Variants in DOCK3 observed in about 807,000 individuals in gnomAD.
DOCK3 encodes dedicator of cytokinesis protein 3.
Under a neutral mutation model 265.6 loss-of-function variants are expected in DOCK3, and 60 were observed. The ratio of observed to expected loss-of-function variants is 0.23; its 90% confidence interval spans 0.18 to 0.28. The LOEUF (loss-of-function observed/expected upper bound fraction) is 0.28. Among genes scored for constraint, DOCK3 ranks in the 10% least tolerant of loss-of-function variants. The probability of loss-of-function intolerance (pLI) is 1.00; values close to 1 mark genes in which losing one functional copy is unlikely to be tolerated. For missense variants in DOCK3, 1,981 were observed against 2,594.3 expected (o/e 0.76, Z 5.14); for synonymous variants, 881 against 938.0 (o/e 0.94, Z 1.11).
At chr3:51,284,353 T>C (rs960713417) in intron 27 of DOCK3, among the ~76,000 whole-genome samples, 2 of 152,164 alleles carry the variant, frequency 1.3e-5, no homozygotes, top group African/African-American at 2.4e-5. Context: ...TGTTTCTCCC[T>C]GGAAGGGGTT....
At position 50,909,941 on chromosome 3, in the gene DOCK3, TTGTC is replaced by T. The variant is rs928077650; in HGVS notation, c.218+19863_218+19866del. Among the ~76,000 whole-genome samples, 27 of 152,024 alleles carry T rather than the reference TTGTC, an allele frequency of 1.8e-4. 1 individual carries two copies. The highest frequency in any genetic ancestry group is 1.5e-3 in the Admixed American group (23 of 15,262). On this transcript the variant is annotated intron_variant, in intron 4 of 52. Coordinates refer to ENST00000266037, the MANE Select transcript of DOCK3 (RefSeq NM_004947.5). ...CCTTTTCATTCTTTCTTCTCTATTC[TTGTC>T]TGCCTGTATTATTTCAGAAAGATCG... is the stretch of plus-strand genomic sequence containing the variant.
At chr3:51,143,233 G>A (rs959974670) in intron 9 of DOCK3, among the ~76,000 whole-genome samples, 1 of 147,376 alleles carries the variant, frequency 6.8e-6, no homozygotes, top group Non-Finnish European at 1.5e-5. Flanking sequence ...GTGTGTGGTG[G>A]TATCTCACTG....
intron 1 of DOCK3, among the ~76,000 whole-genome samples, chr3:50,745,364 G>T: frequency 6.6e-6 from 1 of 151,992 alleles, no homozygotes; most frequent in African/African-American, 2.4e-5. Flanking sequence ...TTTTGATAGG[G>T]GTTGCATTGA....
intron 9 of DOCK3, among the ~76,000 whole-genome samples, chr3:51,091,677 G>T (rs2082643367): frequency 9.3e-6 from 1 of 107,268 alleles, no homozygotes; most frequent in Non-Finnish European, 2.0e-5. Context: ...TGTGAGACTT[G>T]GTCTCAAAAA....
intron 27 of DOCK3, among the ~76,000 whole-genome samples, chr3:51,289,303 G>C (rs2081599429): frequency 6.6e-6 from 1 of 151,922 alleles, no homozygotes; most frequent in Admixed American, 6.6e-5. Context: ...AGGAGGAGGG[G>C]AATTAAAGTA....
intron 2 of DOCK3, among the ~76,000 whole-genome samples, chr3:50,789,073 T>G (rs1241207549): frequency 6.6e-6 from 1 of 152,230 alleles, no homozygotes. Flanking sequence ...AGGTGTGACC[T>G]TAGACTGTCT....
intron 12 of DOCK3, among the ~76,000 whole-genome samples, chr3:51,197,904 C>G (rs1367352931): frequency 6.6e-6 from 1 of 152,202 alleles, no homozygotes; most frequent in Non-Finnish European, 1.5e-5. Context: ...GGAGCCCCAC[C>G]CAACTGGTGA....
chr3:51,328,963 G>A (rs1385782777), intron 32 of DOCK3, among the ~76,000 whole-genome samples: 1 of 152,054 alleles, frequency 6.6e-6, no homozygotes, highest in Non-Finnish European at 1.5e-5. Flanking sequence ...TACCAGCCTG[G>A]GCAACATGGT....
chr3:51,156,620 T>TTTCTAA (rs2085863717), intron 10 of DOCK3, among the ~76,000 whole-genome samples: 1 of 152,256 alleles, frequency 6.6e-6, no homozygotes, highest in Admixed American at 6.5e-5. Flanking sequence ...GCTTAAAATA[T>TTTCTAA]TTTCTTGCAC....
chr3:50,817,311 C>G (rs1269913272), intron 2 of DOCK3, among the ~76,000 whole-genome samples: 1 of 152,094 alleles, frequency 6.6e-6, no homozygotes, highest in Non-Finnish European at 1.5e-5. Flanking sequence ...TAGGTTTTAG[C>G]CTTATTTTAC....
chr3:51,175,378 G>A (rs1357490291), intron 12 of DOCK3, among the ~76,000 whole-genome samples: 1 of 152,178 alleles, frequency 6.6e-6, no homozygotes, highest in Non-Finnish European at 1.5e-5. Flanking sequence ...AGGAGGGACT[G>A]GATCTGGGTT....
At chr3:50,962,107 C>A (rs894229669) in intron 5 of DOCK3, among the ~76,000 whole-genome samples, 23 of 151,910 alleles carry the variant, frequency 1.5e-4, no homozygotes, top group Admixed American at 1.5e-3. Flanking sequence ...ACCCATCAAC[C>A]CATCATCTAC....
At chr3:50,795,854 T>C (rs939368403) in intron 2 of DOCK3, among the ~76,000 whole-genome samples, 2 of 152,226 alleles carry the variant, frequency 1.3e-5, no homozygotes, top group Non-Finnish European at 2.9e-5. Flanking sequence ...GTTACATTCT[T>C]TTCTATACTG....
At chr3:51,129,988 A>G (rs1271154960) in intron 9 of DOCK3, among the ~76,000 whole-genome samples, 1 of 152,234 alleles carries the variant, frequency 6.6e-6, no homozygotes, top group African/African-American at 2.4e-5. Flanking sequence ...AAATCCAAGT[A>G]GGCCCACTAG....
chr3:51,332,630 A>G (rs1439511019), intron 33 of DOCK3, among the ~76,000 whole-genome samples: 1 of 152,200 alleles, frequency 6.6e-6, no homozygotes, highest in East Asian at 1.9e-4. Context: ...ACTTGAGGCT[A>G]GGAGTTCAAG....
chr3:50,992,287 C>T (rs1197483649), intron 5 of DOCK3, among the ~76,000 whole-genome samples: 1 of 152,154 alleles, frequency 6.6e-6, no homozygotes, highest in African/African-American at 2.4e-5. Flanking sequence ...TTCAAAAGAT[C>T]AGTGAATCCA....
intron 32 of DOCK3, among the ~76,000 whole-genome samples, chr3:51,328,486 AAG>A (rs1240259859): frequency 2.2e-4 from 33 of 152,036 alleles, no homozygotes; most frequent in Non-Finnish European, 1.5e-5. Context: ...TCTCTACACA[AAG>A]AGAGTGAGAC....
chr3:51,261,791 C>G (rs552483370), intron 23 of DOCK3, among the ~76,000 whole-genome samples: 1 of 152,298 alleles, frequency 6.6e-6, no homozygotes, highest in South Asian at 2.1e-4. Flanking sequence ...TAAAAAAAAG[C>G]TGACAGGAAC....
chr3:50,769,308 G>A (rs1405791824), intron 1 of DOCK3, among the ~76,000 whole-genome samples: 1 of 151,968 alleles, frequency 6.6e-6, no homozygotes, highest in Admixed American at 6.6e-5. Context: ...TTTACTAGTA[G>A]CATTCAATAA....
Sources: gnomAD v4.1 joint callset for allele counts (sites outside exome capture counted in the v4.1 genomes callset) on GRCh38, gnomAD v4.1.1 for gene constraint, MANE v1.5 for transcripts, NCBI Gene and HGNC (gene_info 2026-07-23, HGNC 2026-07-21) for gene names.